CTNND1: variants seen among roughly 807,000 people sequenced by gnomAD.
CTNND1 encodes the protein catenin delta-1.
In CTNND1, 16 loss-of-function variants were observed where a neutral mutation model predicts 112.1. The observed-to-expected ratio is 0.14, with a 90% CI of 0.10 to 0.22. The LOEUF (loss-of-function observed/expected upper bound fraction) is 0.22. CTNND1 is among the 10% of genes least tolerant of loss of function. The probability of loss-of-function intolerance (pLI) is 1.00; values close to 1 mark genes in which losing one functional copy is unlikely to be tolerated. For missense variants in CTNND1, 1,008 were observed against 1,257.0 expected (o/e 0.80, Z 3.00); for synonymous variants, 420 against 446.5 (o/e 0.94, Z 0.75).
chr11:57,812,145 A>G (rs1017196728), intron 17 of CTNND1, among the ~76,000 whole-genome samples: 3 of 152,228 alleles, frequency 2.0e-5, no homozygotes, highest in African/African-American at 7.2e-5. Context: ...GGGCAGTGAC[A>G]TAAAGCTGAA....
At chr11:57,787,410 C>T (rs894464855) in intron 1 of CTNND1, among the ~76,000 whole-genome samples, 14 of 152,170 alleles carry the variant, frequency 9.2e-5, no homozygotes, top group African/African-American at 1.9e-4. Context: ...TGAGACATTA[C>T]GGTGAAGTAA....
chr11:57,764,506 G>A (rs1950615690), intron 1 of CTNND1, among the ~76,000 whole-genome samples: 1 of 152,156 alleles, frequency 6.6e-6, no homozygotes, highest in Non-Finnish European at 1.5e-5. Context: ...GATTAGCTTT[G>A]TATAATTTAT....
At chr11:57,778,750 G>A (rs558318019) in intron 1 of CTNND1, among the ~76,000 whole-genome samples, 1 of 152,350 alleles carries the variant, frequency 6.6e-6, no homozygotes, top group Admixed American at 6.5e-5. Context: ...GTGGTCTGGT[G>A]CTACTGTGAC....
chr11:57,805,791 A>G, intron 9 of CTNND1, 91 bp from the exon 10 acceptor site: 1 of 1,424,086 alleles, frequency 7.0e-7, no homozygotes, highest in Non-Finnish European at 9.5e-7. Flanking sequence ...TTGAAGATCA[A>G]CATTTTAATA....
intron 1 of CTNND1, among the ~76,000 whole-genome samples, chr11:57,762,649 A>T (rs1355654550): frequency 6.6e-6 from 1 of 152,070 alleles, no homozygotes; most frequent in African/African-American, 2.4e-5. Context: ...TCCTGGGTGG[A>T]TCCCTCTTAC....
At position 57,801,846 on chromosome 11, in the gene CTNND1, G is replaced by A. The variant is rs891891372; in HGVS notation, c.1070G>A (p.Gly357Glu). ...LASLDSLRKG[G>E]PPPPNWRQPE... ...AGCTTGGATAGCCTGCGCAAAGGAG[G>A]GCCTCCACCTCCTAATTGGAGACAG... The change falls in exon 7 of 21, where the codon GGG becomes GAG. Residue 357 changes from glycine (G) to glutamate (E), a missense_variant. By Grantham distance (98) the Gly-to-Glu change is moderately conservative. Coordinates refer to ENST00000399050, the MANE Select transcript of CTNND1 (RefSeq NM_001085458.2). The A allele has an allele frequency of 5.6e-6, 9 of 1,613,878 alleles. No homozygotes were observed. Among genetic ancestry groups the A allele is most frequent in the Non-Finnish European group, 7.6e-6 (9 of 1,179,902 alleles).
chr11:57,769,778 T>C (rs1028244735), intron 1 of CTNND1, among the ~76,000 whole-genome samples: 9 of 152,226 alleles, frequency 5.9e-5, no homozygotes, highest in African/African-American at 2.2e-4. Context: ...TACCACTTCA[T>C]TTCAGTTAGA....
chr11:57,803,596 C>T, intron 7 of CTNND1, 25 bp from the exon 8 acceptor site: 4 of 1,576,480 alleles, frequency 2.5e-6, no homozygotes, highest in African/African-American at 1.4e-5. Flanking sequence ...TGCTCAAGAG[C>T]CATCTGATGA....
chr11:57,809,438 G>A lies in CTNND1; in HGVS notation c.2407G>A (p.Glu803Lys). 6.2e-7 allele frequency: 1 copy of A among 1,613,126 alleles called. No individual in the cohort carries two copies. Among genetic ancestry groups the A allele is most frequent in the Non-Finnish European group, 8.5e-7 (1 of 1,179,472 alleles). Residue 803 changes from glutamate to lysine, a missense_variant, in exon 15 of 21, where the codon GAG (glutamate) becomes AAG (lysine). By Grantham distance (56) the Glu-to-Lys change is moderately conservative (BLOSUM62 1). Coordinates refer to ENST00000399050, the MANE Select transcript of CTNND1 (RefSeq NM_001085458.2). The part of the protein sequence containing the change: ...AKKLRETQGI[E>K]KLVLINKSGN... The stretch of plus-strand genomic sequence containing the variant: ...AAAGCTTCGAGAGACACAGGGTATT[G>A]AGAAGCTGGTGTTGATCAACAAATC...
At chr11:57,795,071 G>A (rs759216277) in intron 4 of CTNND1, among the ~76,000 whole-genome samples, 3 of 152,144 alleles carry the variant, frequency 2.0e-5, no homozygotes, top group African/African-American at 7.2e-5. Flanking sequence ...GCGTGAGCCT[G>A]TAGTTCTAGC....
chr11:57,780,701 T>C (rs918948792), intron 1 of CTNND1, among the ~76,000 whole-genome samples: 1 of 152,202 alleles, frequency 6.6e-6, no homozygotes, highest in Admixed American at 6.5e-5. Context: ...ACACTTCTGA[T>C]TGATTTATTT....
rs1404890052 is a variant in CTNND1 at position 57,819,258 on chromosome 11, C to G, written c.*2950C>G. On this transcript the variant is annotated 3_prime_UTR_variant, in exon 21 of 21. Transcript: ENST00000399050. ...TGGGCTAGTGAGACCAGGAAATCAACTAGCTTTTAAAGCTTGATTTGTGTC... is the reference window on the plus strand; with the variant it reads ...TGGGCTAGTGAGACCAGGAAATCAAGTAGCTTTTAAAGCTTGATTTGTGTC... 1 of 152,158 alleles carries G rather than the reference C, an allele frequency of 6.6e-6. No homozygotes were observed. Among genetic ancestry groups the G allele is most frequent in the African/African-American group, 2.4e-5 (1 of 41,432 alleles). 9.4% of individuals were successfully genotyped at this position (152,158 alleles called of 1,614,324 possible). A position where few individuals can be genotyped will look rare whatever the true frequency, so the allele number is the denominator to read the frequency against.
intron 4 of CTNND1, among the ~76,000 whole-genome samples, chr11:57,794,487 A>C (rs531415539): frequency 1.3e-5 from 2 of 152,262 alleles, no homozygotes; most frequent in Non-Finnish European, 2.9e-5. Flanking sequence ...GGTTTGTCTT[A>C]AAAGTTCTTT....
intron 1 of CTNND1, among the ~76,000 whole-genome samples, chr11:57,782,959 T>C (rs1302413506): frequency 6.6e-6 from 1 of 152,174 alleles, no homozygotes; most frequent in Non-Finnish European, 1.5e-5. Flanking sequence ...CCCAGTGAAG[T>C]GAGAAATACT....
rs909414635 is a variant in CTNND1 at position 57,816,505 on chromosome 11, T to C, written c.*197T>C. On this transcript the variant is annotated 3_prime_UTR_variant, in exon 21 of 21. Transcript: ENST00000399050. ...TGTGAAGTTTAATTGTCTCAACGCC[T>C]CCCCCTCCCCCATTCCCTCCATTTT... is the stretch of plus-strand genomic sequence containing the variant. 27 of 612,058 alleles carry C rather than the reference T, an allele frequency of 4.4e-5. No homozygotes were observed. The highest frequency in any genetic ancestry group is 7.2e-5 in the Non-Finnish European group (25 of 347,210). The allele number at this position is 612,058 out of a possible 1,614,324, so 37.9% of individuals were successfully genotyped here.
intron 15 of CTNND1, 53 bp downstream of exon 15, chr11:57,809,519 TGTTTTCC>T: frequency 1.3e-6 from 2 of 1,499,874 alleles, no homozygotes; most frequent in Non-Finnish European, 1.8e-6. Context: ...AGTGGAGAGT[TGTTTTCC>T]TCTTTTGGTT....
intron 1 of CTNND1, among the ~76,000 whole-genome samples, chr11:57,767,692 T>TA (rs1191544585): frequency 1.3e-3 from 1 of 782 alleles, no homozygotes; most frequent in Non-Finnish European, 8.1e-3. Context: ...AACCATCTTA[T>TA]AGATTGTTGT....
In CTNND1 at chr11:57,814,961, C is replaced by T. The variant is rs146057959; in HGVS notation, c.2702-433C>T. On this transcript the variant is annotated intron_variant, in intron 18 of 20. Transcript: ENST00000399050. ...TGGGTATTTTATACATATTGTCTTC[C>T]ATCTTAGATTCAAGTTCTTTTTTTG... is the stretch of plus-strand genomic sequence containing the variant. Among the ~76,000 whole-genome samples the T allele has an allele frequency of 1.7e-4, 26 of 152,190 alleles. No homozygotes were observed. The East Asian group carries it at 4.4e-3, about 26-fold the overall frequency.
chr11:57,804,667 G>A lies in CTNND1; in HGVS notation c.1609G>A (p.Val537Ile). ...AAGCTTCTGGTTTCCCCTCAGGAATGTAAGCTCAGAGAGGAGTGAAGCTCG... is the reference window on the plus strand; with the variant it reads ...AAGCTTCTGGTTTCCCCTCAGGAATATAAGCTCAGAGAGGAGTGAAGCTCG... Reference protein sequence around the residue: ...LTNTAGCLRNVSSERSEARRK... With the variant: ...LTNTAGCLRNISSERSEARRK... Residue 537 changes from valine (V) to isoleucine (I), a missense_variant, in exon 9 of 21, where the codon GTA becomes ATA. Val to Ile is a conservative substitution (Grantham distance 29). Coordinates refer to ENST00000399050, the MANE Select transcript of CTNND1 (RefSeq NM_001085458.2). 6.2e-7 allele frequency: 1 copy of A among 1,613,124 alleles called. No individual in the cohort carries two copies. Among genetic ancestry groups the A allele is most frequent in the Non-Finnish European group, 8.5e-7 (1 of 1,179,200 alleles).
Sources: gnomAD v4.1 joint callset for allele counts (sites outside exome capture counted in the v4.1 genomes callset) on GRCh38, gnomAD v4.1.1 for gene constraint, MANE v1.5 for transcripts, NCBI Gene and HGNC (gene_info 2026-07-23, HGNC 2026-07-21) for gene names.